Variants in KAZN observed in about 807,000 individuals in gnomAD.
KAZN encodes the protein kazrin, periplakin interacting protein, also known as kazrin.
Under a neutral mutation model 87.4 loss-of-function variants are expected in KAZN, and 40 were observed. That is an observed-to-expected ratio of 0.46 (90% CI 0.36 to 0.60). The LOEUF (loss-of-function observed/expected upper bound fraction) is 0.60, where lower values mean the gene tolerates loss of function less well. Ranked by LOEUF, KAZN falls within the 20% of genes least tolerant of loss-of-function variation. The pLI, the probability that KAZN is intolerant of heterozygous loss-of-function variation, is 0.00. For missense variants in KAZN, 898 were observed against 1,073.9 expected (o/e 0.84, Z 2.29); for synonymous variants, 466 against 458.3 (o/e 1.02, Z -0.22).
At chr1:14,866,071 G>T (rs778824337) in intron 1 of KAZN, among the ~76,000 whole-genome samples, 1 of 152,216 alleles carries the variant, frequency 6.6e-6, no homozygotes, top group East Asian at 1.9e-4. Flanking sequence ...CTTTGTTATA[G>T]CAGCCCTGGG....
intron 1 of KAZN, among the ~76,000 whole-genome samples, chr1:14,869,740 T>C (rs1056858490): frequency 1.3e-5 from 2 of 152,252 alleles, no homozygotes; most frequent in Non-Finnish European, 2.9e-5. Context: ...TACTTGCTTC[T>C]GTTCTCCTTC....
chr1:15,105,423 AT>A (rs1295692747), intron 13 of KAZN, among the ~76,000 whole-genome samples: 18 of 152,252 alleles, frequency 1.2e-4, no homozygotes, highest in African/African-American at 3.9e-4. Context: ...TGTCCATTTC[AT>A]CTAGGTTAGC....
At chr1:14,475,733 A>T (rs369181979) in intron 2 of KAZN, among the ~76,000 whole-genome samples, 11 of 152,180 alleles carry the variant, frequency 7.2e-5, no homozygotes, top group African/African-American at 2.4e-4. Flanking sequence ...GAATAATTAA[A>T]CTTTTTAGAA....
intron 2 of KAZN, among the ~76,000 whole-genome samples, chr1:14,565,312 G>T (rs900287047): frequency 1.3e-5 from 2 of 152,132 alleles, no homozygotes; most frequent in Non-Finnish European, 2.9e-5. Context: ...GCATATAAAA[G>T]TTGTATGTAC....
intron 2 of KAZN, among the ~76,000 whole-genome samples, chr1:14,557,665 TGGTGTGTGAGA>T: frequency 8.1e-6 from 1 of 122,820 alleles, no homozygotes; most frequent in East Asian, 2.5e-4. Flanking sequence ...TGTGTGTGTG[TGGTGTGTGAGA>T]GAGAGAGAGA....
chr1:14,817,641 A>G (rs942164980), intron 1 of KAZN, among the ~76,000 whole-genome samples: 2 of 152,152 alleles, frequency 1.3e-5, no homozygotes, highest in Non-Finnish European at 2.9e-5. Context: ...GAAAATTTAG[A>G]AGTCACGTGA....
chr1:14,827,642 G>C lies in KAZN; in HGVS notation c.227-133042G>C, dbSNP rs567160219. Among the ~76,000 whole-genome samples, 12 of 152,326 alleles carry C rather than the reference G, an allele frequency of 7.9e-5. No homozygotes were observed. The South Asian group carries it at 2.5e-3, about 32-fold the overall frequency. On this transcript the variant is annotated intron_variant, in intron 1 of 14. Coordinates refer to ENST00000376030, the MANE Select transcript of KAZN (RefSeq NM_201628.3). ...GAAAGAGGGAGTGGGTCCCAGAGAG[G>C]AGCCCTCGAAGCAGGCCCCAGAGGC...
chr1:14,073,236 A>G (rs931038696), intron 1 of KAZN, among the ~76,000 whole-genome samples: 13 of 152,212 alleles, frequency 8.5e-5, no homozygotes, highest in South Asian at 2.1e-4. Flanking sequence ...TAGGAACAGG[A>G]AAGATTAACC....
chr1:14,622,177 A>G (rs1355834226), intron 1 of KAZN, among the ~76,000 whole-genome samples: 3 of 152,176 alleles, frequency 2.0e-5, no homozygotes, highest in Non-Finnish European at 2.9e-5. Flanking sequence ...GACACAGTGA[A>G]CATATAGTAA....
chr1:15,005,914 C>T (rs1668958479), intron 2 of KAZN, among the ~76,000 whole-genome samples: 1 of 152,166 alleles, frequency 6.6e-6, no homozygotes, highest in Admixed American at 6.5e-5. Context: ...GCCGCAGTGG[C>T]ACTTAACAGT....
chr1:14,387,235 C>T lies in KAZN; in HGVS notation c.249+206643C>T, dbSNP rs577188022. On this transcript the variant is annotated intron_variant, in intron 2 of 16. Transcript: ENST00000636203. ...TCTTCTAAATTTTTTTCAAAGTTTT[C>T]AACTTCTTTGCCCTTGGTTTGAATG... Among the ~76,000 whole-genome samples, 3 of 152,126 alleles carry T rather than the reference C, an allele frequency of 2.0e-5. No homozygotes were observed. The South Asian group carries it at 6.2e-4, about 32-fold the overall frequency.
intron 2 of KAZN, among the ~76,000 whole-genome samples, chr1:14,483,666 C>T (rs1323644264): frequency 2.0e-5 from 3 of 152,280 alleles, no homozygotes; most frequent in Non-Finnish European, 2.9e-5. Context: ...AGGTTTACAT[C>T]GGTTTTATAC....
At chr1:14,800,429 G>A (rs562994468) in intron 1 of KAZN, among the ~76,000 whole-genome samples, 14 of 152,296 alleles carry the variant, frequency 9.2e-5, no homozygotes, top group East Asian at 3.9e-4. Context: ...TGCCAGACAC[G>A]GTGGCTCGTG....
intron 1 of KAZN, among the ~76,000 whole-genome samples, chr1:14,109,644 T>G (rs1351596576): frequency 6.6e-6 from 1 of 152,208 alleles, no homozygotes; most frequent in Non-Finnish European, 1.5e-5. Context: ...TTTCATTTCT[T>G]TTTGGAACAT....
At chr1:15,020,857 C>T (rs1448364660) in intron 2 of KAZN, among the ~76,000 whole-genome samples, 1 of 152,174 alleles carries the variant, frequency 6.6e-6, no homozygotes, top group African/African-American at 2.4e-5. Flanking sequence ...GGTCCCCCCA[C>T]ATCACTCTAA....
chr1:14,452,009 G>A (rs540336981), intron 2 of KAZN, among the ~76,000 whole-genome samples: 12 of 152,192 alleles, frequency 7.9e-5, no homozygotes, highest in South Asian at 4.2e-4. Flanking sequence ...GCTCCGTCCC[G>A]GCCCACTGCA....
At chr1:14,760,623 A>G (rs1361512095) in intron 1 of KAZN, among the ~76,000 whole-genome samples, 1 of 152,138 alleles carries the variant, frequency 6.6e-6, no homozygotes, top group Non-Finnish European at 1.5e-5. Context: ...TCAATCCAAT[A>G]TGTAAGACCC....
chr1:15,050,159 GGAATAGAATAGAATAGAATA>G lies in KAZN; in HGVS notation c.727-5888_727-5869del, dbSNP rs1553180847. On this transcript the variant is annotated intron_variant, in intron 4 of 14. Transcript: ENST00000376030. ...TCTCAATAGAATAATAGAATAGAAT[GGAATAGAATAGAATAGAATA>G]GAATAGAATAGAATAGAATAGAATA... Among the ~76,000 whole-genome samples the G allele has an allele frequency of 1.7e-3, 217 of 131,324 alleles. 1 individual carries two copies. Among genetic ancestry groups the G allele is most frequent in the Middle Eastern group, 3.7e-3 (1 of 268 alleles). 86.2% of individuals were successfully genotyped at this position (131,324 alleles called of 152,430 possible). A position where few individuals can be genotyped will look rare whatever the true frequency, so the allele number is the denominator to read the frequency against.
rs1639798190 is a variant in KAZN, at chr1:15,077,163, T to A, written c.1222+11410T>A. ...CAAGTCTTTCATATTGACAACTAAT[T>A]TTTTTTTAATTTAGTGTCCATTGGG... On this transcript the variant is annotated intron_variant, in intron 8 of 14. Transcript: ENST00000376030. This position sits in a 1 kb window ranked among gnomAD's most constrained non-coding sequence, Gnocchi z 4.8. Among the ~76,000 whole-genome samples, 3 of 123,128 alleles carry A rather than the reference T, an allele frequency of 2.4e-5. No individual in the cohort carries two copies. In the South Asian group the frequency reaches 9.0e-4, roughly 37 times the overall value. 80.8% of individuals were successfully genotyped at this position (123,128 alleles called of 152,430 possible).
Sources: allele counts gnomAD v4.1 joint callset (sites outside exome capture counted in the v4.1 genomes callset), GRCh38; gene constraint gnomAD v4.1.1; non-coding constraint Gnocchi (gnomAD v3.1); transcripts MANE v1.5; gene names NCBI Gene and HGNC (gene_info 2026-07-23, HGNC 2026-07-21).